Variants in WNK2 observed in about 807,000 individuals in gnomAD.
WNK2 encodes WNK lysine deficient protein kinase 2, also known as serine/threonine-protein kinase WNK2.
In WNK2, 67 loss-of-function variants were observed where a neutral mutation model predicts 192.1. The ratio of observed to expected loss-of-function variants is 0.35; its 90% CI spans 0.29 to 0.43. The LOEUF (loss-of-function observed/expected upper bound fraction) is 0.43, where lower values mean the gene tolerates loss of function less well. Among genes scored for constraint, WNK2 ranks in the 20% least tolerant of loss-of-function variants. WNK2 has a pLI of 1.00. For missense variants in WNK2, 2,698 were observed against 3,089.7 expected (o/e 0.87, Z 3.01); for synonymous variants, 1,439 against 1,393.9 (o/e 1.03, Z -0.72).
chr9:93,295,986 C>A lies in WNK2; in HGVS notation c.5709-1867C>A, dbSNP rs1473875949. 2.1e-5 allele frequency among the ~76,000 whole-genome samples: 3 copies of A among 140,864 alleles called. No individual in the cohort carries two copies. In the East Asian group the frequency reaches 6.7e-4, roughly 32 times the overall value. The allele number at this position is 140,864 out of a possible 152,430, so 92.4% of individuals were successfully genotyped here. The stretch of plus-strand genomic sequence containing the variant: ...TCTCCATCCTCCCCTCACCATCCTC[C>A]CTTCACCTTCCTTCCCTCTCCATTC... On this transcript the variant is annotated intron_variant, in intron 23 of 29. Coordinates refer to ENST00000427277, the MANE Select transcript of WNK2 (RefSeq NM_006648.4).
intron 8 of WNK2, among the ~76,000 whole-genome samples, chr9:93,252,388 G>A (rs145757356): frequency 2.1e-3 from 315 of 152,372 alleles, no homozygotes; most frequent in Admixed American, 6.7e-3. Context: ...AGGCCTCTCT[G>A]CGGGTGTTGA....
At chr9:93,192,485 G>A (rs979085038) in intron 2 of WNK2, among the ~76,000 whole-genome samples, 1 of 152,028 alleles carries the variant, frequency 6.6e-6, no homozygotes, top group Non-Finnish European at 1.5e-5. Context: ...GGTGGCCAAG[G>A]GTGGTCCTCG....
intron 29 of WNK2, chr9:93,319,203 C>A (rs767265403): frequency 6.2e-7 from 1 of 1,612,582 alleles, no homozygotes. Flanking sequence ...CACTTTTGCT[C>A]GAAAACAGTG....
In WNK2 at chr9:93,289,514, C is replaced by G. The variant is rs771370673; in HGVS notation, c.4760C>G (p.Pro1587Arg). Residue 1587 changes from proline (P) to arginine (R), a missense_variant, in exon 20 of 30, where the codon CCC becomes CGC. Pro to Arg is a moderately radical substitution (Grantham distance 103). Transcript: ENST00000427277. Reference sequence around the variant, plus strand: ...GGCGACAGAGACTTCACCCTGGAGCCCCTGAGAGGGGACCAGCCCCGCTCA... The same window carrying G: ...GGCGACAGAGACTTCACCCTGGAGCGCCTGAGAGGGGACCAGCCCCGCTCA... ...EVGDRDFTLE[P>R]LRGDQPRSEV... is the part of the protein sequence containing the mutation. The G allele has an allele frequency of 6.2e-7, 1 of 1,602,778 alleles. No homozygotes were observed.
Position 93,185,705 on chromosome 9 carries a change from G to T in WNK2, c.681+95G>T, listed in dbSNP as rs975901080. 2.4e-5 allele frequency: 35 copies of T among 1,430,630 alleles called. No homozygotes were observed. The African/African-American group carries it at 4.9e-4, about 20-fold the overall frequency. 88.6% of individuals were successfully genotyped at this position (1,430,630 alleles called of 1,614,324 possible). ...TTGCTCCTGCGCCTGGCCTTAAGAA[G>T]CCCTGGGGGCGGCGGGGCTCCATGT... is the stretch of plus-strand genomic sequence containing the variant. On this transcript the variant is annotated intron_variant, in intron 2 of 29. Coordinates refer to ENST00000427277, the MANE Select transcript of WNK2 (RefSeq NM_006648.4).
intron 23 of WNK2, among the ~76,000 whole-genome samples, chr9:93,294,151 G>A (rs1471307432): frequency 6.6e-6 from 1 of 152,224 alleles, no homozygotes; most frequent in African/African-American, 2.4e-5. Context: ...TATGTGGGAA[G>A]AGCCGTGCAC....
chr9:93,290,086 T>C, intron 21 of WNK2, 39 bp downstream of exon 21: 1 of 1,541,034 alleles, frequency 6.5e-7, no homozygotes, highest in Non-Finnish European at 8.8e-7. Flanking sequence ...CACAAGGTGC[T>C]GCCTGGCTTC....
chr9:93,311,583 A>C (rs887958178), intron 28 of WNK2, among the ~76,000 whole-genome samples: 2 of 150,758 alleles, frequency 1.3e-5, no homozygotes, highest in Non-Finnish European at 3.0e-5. Flanking sequence ...ATCTGTGCCA[A>C]CAGAAGATTT....
At chr9:93,269,827 C>T (rs1026113645) in intron 19 of WNK2, among the ~76,000 whole-genome samples, 4 of 152,118 alleles carry the variant, frequency 2.6e-5, no homozygotes, top group African/African-American at 9.6e-5. Flanking sequence ...TTGAGCTGGT[C>T]TTTTTTCTAT....
At position 93,307,963 on chromosome 9, in the gene WNK2, C is replaced by T. The variant is rs1403470464; in HGVS notation, c.6260-365C>T. The T allele has an allele frequency of 3.6e-5, 10 of 274,440 alleles. No individual in the cohort carries two copies. The Middle Eastern group carries it at 3.4e-3, about 94-fold the overall frequency. 17.0% of individuals were successfully genotyped at this position (274,440 alleles called of 1,614,324 possible). A position where few individuals can be genotyped will look rare whatever the true frequency, so the allele number is the denominator to read the frequency against. ...AACCTGACTCTAGGCACCATGACTCCGAAGCCCAGTGTGTCTGGCTGTGCC... is the reference window on the plus strand; with the variant it reads ...AACCTGACTCTAGGCACCATGACTCTGAAGCCCAGTGTGTCTGGCTGTGCC... On this transcript the variant is annotated intron_variant, in intron 27 of 29. Coordinates refer to ENST00000427277, the MANE Select transcript of WNK2 (RefSeq NM_006648.4).
intron 2 of WNK2, among the ~76,000 whole-genome samples, chr9:93,202,334 G>A (rs887905069): frequency 1.6e-3 from 206 of 125,386 alleles, no homozygotes; most frequent in African/African-American, 6.6e-3. Flanking sequence ...ACGTGTGTGT[G>A]TGTGTGTGTG....
chr9:93,297,961 G>A lies in WNK2; in HGVS notation c.5817G>A (p.Thr1939=), dbSNP rs754865802. Residue 1939 remains threonine, a synonymous_variant, in exon 24 of 30, where the codon ACG becomes ACA. Transcript: ENST00000427277. ...CCCCCAACGTGGGCTTCTTCCACAC[G>A]GCACCCCCCACTGGCCGCCGGAGAA... is the stretch of plus-strand genomic sequence containing the variant. ...PLPPNVGFFH[T]APPTGRRRKT... is the part of the protein sequence containing the mutation. 8.2e-6 allele frequency: 13 copies of A among 1,578,084 alleles called. No individual in the cohort carries two copies. The highest frequency in any genetic ancestry group is 4.7e-5 in the East Asian group (2 of 42,584).
In WNK2 at chr9:93,216,107, T is replaced by C. The variant is rs114058248; in HGVS notation, c.682-13589T>C. ...CCAGACTTCTAGTATACAGCCCTTCTGGAAGGGCTAATCTGAAAGCCTGCA... is the reference window on the plus strand; with the variant it reads ...CCAGACTTCTAGTATACAGCCCTTCCGGAAGGGCTAATCTGAAAGCCTGCA... On this transcript the variant is annotated intron_variant, in intron 2 of 29. Transcript: ENST00000427277. Among the ~76,000 whole-genome samples the C allele has an allele frequency of 1.8e-3, 272 of 152,320 alleles. 1 individual carries two copies. Among genetic ancestry groups the C allele is most frequent in the African/African-American group, 6.4e-3 (266 of 41,576 alleles).
chr9:93,274,524 AAAAAAAAAAAAAAAG>A (rs1846477540), intron 19 of WNK2, among the ~76,000 whole-genome samples: 3 of 124,484 alleles, frequency 2.4e-5, no homozygotes, highest in Non-Finnish European at 3.6e-5. Flanking sequence ...CCAAAAAAAA[AAAAAAAAAAAAAAAG>A]AAAAAAAACA....
chr9:93,317,536 C>T lies in WNK2; in HGVS notation c.6533C>T (p.Ala2178Val). The change falls in exon 29 of 30, where the codon GCA becomes GTA. Residue 2178 changes from alanine to valine, a missense_variant. This residue lies in a region of WNK2 where 167 missense variants were observed against 184.2 expected (regional missense o/e 0.91). Coordinates refer to ENST00000427277, the MANE Select transcript of WNK2 (RefSeq NM_006648.4). Reference protein sequence around the residue: ...GEARAMTAPRAGVGMPRLPPA... With the variant: ...GEARAMTAPRVGVGMPRLPPA... ...GTTTTGTAGATGACCGCACCTCGAGCAGGAGTGGGGATGCCACGTCTGCCC... is the reference window on the plus strand; with the variant it reads ...GTTTTGTAGATGACCGCACCTCGAGTAGGAGTGGGGATGCCACGTCTGCCC... 6.2e-7 allele frequency: 1 copy of T among 1,613,762 alleles called. No homozygotes were observed. The highest frequency in any genetic ancestry group is 8.5e-7 in the Non-Finnish European group (1 of 1,179,858).
At chr9:93,233,197 CAAAA>C (rs11298656) in intron 4 of WNK2, among the ~76,000 whole-genome samples, 8 of 99,018 alleles carry the variant, frequency 8.1e-5, no homozygotes, top group African/African-American at 2.6e-4. Context: ...GATCCAGTCT[CAAAA>C]AAAAAAAAAA....
At chr9:93,301,464 G>A (rs748675071) in intron 26 of WNK2, among the ~76,000 whole-genome samples, 14 of 152,174 alleles carry the variant, frequency 9.2e-5, no homozygotes, top group African/African-American at 2.4e-4. Flanking sequence ...CTTCCCGTTC[G>A]CCTGTTTAAC....
chr9:93,319,069 T>C, intron 29 of WNK2: 1 of 1,612,066 alleles, frequency 6.2e-7, no homozygotes, highest in Non-Finnish European at 8.5e-7. Context: ...CCCCTTGCCC[T>C]GTTCCTTGAG....
chr9:93,310,706 A>G lies in WNK2; in HGVS notation c.6516+2122A>G, dbSNP rs1054632521. On this transcript the variant is annotated intron_variant, in intron 28 of 29. Coordinates refer to ENST00000427277, the MANE Select transcript of WNK2 (RefSeq NM_006648.4). ...TGACTTTGACTACTCTAAGTACCTCATAGAAATGGAATCATACAGTATGTG... is the reference window on the plus strand; with the variant it reads ...TGACTTTGACTACTCTAAGTACCTCGTAGAAATGGAATCATACAGTATGTG... Among the ~76,000 whole-genome samples the G allele has an allele frequency of 1.7e-4, 26 of 152,278 alleles. No homozygotes were observed. In the East Asian group the frequency reaches 4.8e-3, roughly 28 times the overall value.
Sources: gnomAD v4.1 joint callset for allele counts (sites outside exome capture counted in the v4.1 genomes callset) on GRCh38, gnomAD v4.1.1 for gene constraint, gnomAD v4.1.1 regional missense constraint, MANE v1.5 for transcripts, NCBI Gene and HGNC (gene_info 2026-07-23, HGNC 2026-07-21) for gene names.